ITGB8: variants seen among roughly 807,000 people sequenced by gnomAD.
ITGB8 encodes integrin subunit beta 8, also known as integrin beta-8.
ITGB8 carries 30 observed loss-of-function variants against 89.5 expected under a neutral mutation model. That is an observed-to-expected ratio of 0.34 (90% CI 0.25 to 0.45). The LOEUF is 0.45. Ranked by LOEUF, ITGB8 falls within the 20% of genes least tolerant of loss-of-function variation. The pLI, the probability that ITGB8 is intolerant of heterozygous loss-of-function variation, is 1.00. For synonymous variants in ITGB8, 335 were observed against 320.4 expected, an observed-to-expected ratio of 1.05 and a Z score of -0.49; for missense variants, 836 against 933.3, an observed-to-expected ratio of 0.90 and a Z score of 1.36.
intron 7 of ITGB8, among the ~76,000 whole-genome samples, chr7:20,393,466 C>G (rs996486800): frequency 1.2e-4 from 18 of 152,188 alleles, no homozygotes; most frequent in African/African-American, 4.1e-4. Flanking sequence ...ATAATCCATC[C>G]TCCATCTGGC....
chr7:20,401,979 C>T lies in ITGB8; in HGVS notation c.1540C>T (p.His514Tyr), dbSNP rs1468172065. ...DQFSSESCKS[H>Y]KDQPVCSGRG... ...GTTTTCTTCTGAGAGTTGCAAGTCA[C>T]ACAAGGATCAGCCTGTTTGCAGTGG... Residue 514 changes from histidine (H) to tyrosine (Y), a missense_variant, in exon 10 of 14, where the codon CAC (histidine) becomes TAC (tyrosine). This residue lies in a region of ITGB8 where 422 missense variants were observed against 416.9 expected (regional missense o/e 1.01). Coordinates refer to ENST00000222573, the MANE Select transcript of ITGB8 (RefSeq NM_002214.3). 4 of 1,614,054 alleles carry T rather than the reference C, an allele frequency of 2.5e-6. No homozygotes were observed. Among genetic ancestry groups the T allele is most frequent in the Non-Finnish European group, 3.4e-6 (4 of 1,180,014 alleles).
intron 6 of ITGB8, among the ~76,000 whole-genome samples, chr7:20,382,720 A>T (rs1786449830): frequency 6.6e-6 from 1 of 152,178 alleles, no homozygotes; most frequent in South Asian, 2.1e-4. Context: ...TCAACTATTT[A>T]TGTCTTAACA....
At chr7:20,388,861 C>G (rs1786740075) in intron 6 of ITGB8, among the ~76,000 whole-genome samples, 1 of 152,134 alleles carries the variant, frequency 6.6e-6, no homozygotes, top group Non-Finnish European at 1.5e-5. Flanking sequence ...TGTTCATCTC[C>G]CACTTATGAG....
intron 1 of ITGB8, among the ~76,000 whole-genome samples, chr7:20,334,209 T>C (rs1784503266): frequency 6.6e-6 from 1 of 152,186 alleles, no homozygotes; most frequent in Admixed American, 6.5e-5. Flanking sequence ...TAGCAGTTTG[T>C]TTTTTAACTG....
rs547793132 is a variant in ITGB8 at position 20,373,005 on chromosome 7, T to A, written c.388+5819T>A. Among the ~76,000 whole-genome samples the A allele has an allele frequency of 3.9e-5, 6 of 152,258 alleles. No homozygotes were observed. The South Asian group carries it at 1.2e-3, about 31-fold the overall frequency. Reference sequence around the variant, plus strand: ...AAAGTCCTTTTCACCATGAGATGAATCAGAATCAAGGGCTTGATATAATGC... The same window carrying A: ...AAAGTCCTTTTCACCATGAGATGAAACAGAATCAAGGGCTTGATATAATGC... On this transcript the variant is annotated intron_variant, in intron 3 of 13. Transcript: ENST00000222573.
intron 13 of ITGB8, 33 bp from the exon 14 acceptor site, chr7:20,409,842 C>G: frequency 6.2e-7 from 1 of 1,610,438 alleles, no homozygotes; most frequent in Non-Finnish European, 8.5e-7. Context: ...TATTTAGGCC[C>G]TTAGTTAATA....
chr7:20,364,535 G>C (rs903102095), intron 2 of ITGB8: 1 of 152,176 alleles, frequency 6.6e-6, no homozygotes, highest in Non-Finnish European at 1.5e-5. Context: ...CAGAATAGAG[G>C]CAGGGGAGGG....
In ITGB8 at chr7:20,414,906, G is replaced by C. The variant is rs1787879777; in HGVS notation, c.*4909G>C. Reference sequence around the variant, plus strand: ...TAGCCTCTGCAACCTACTTCAGTTAGAATTGTCTAATACTGCTCTATTAAT... The same window carrying C: ...TAGCCTCTGCAACCTACTTCAGTTACAATTGTCTAATACTGCTCTATTAAT... On this transcript the variant is annotated 3_prime_UTR_variant, in exon 14 of 14. Coordinates refer to ENST00000222573, the MANE Select transcript of ITGB8 (RefSeq NM_002214.3). 6.6e-6 allele frequency: 1 copy of C among 152,334 alleles called. No homozygotes were observed. Among genetic ancestry groups the C allele is most frequent in the South Asian group, 2.1e-4 (1 of 4,830 alleles). The allele number at this position is 152,334 out of a possible 1,614,324, so 9.4% of individuals were successfully genotyped here.
chr7:20,347,784 C>A (rs1784978580), intron 1 of ITGB8, among the ~76,000 whole-genome samples: 1 of 151,982 alleles, frequency 6.6e-6, no homozygotes. Flanking sequence ...TGGTCATGTT[C>A]AAGGAAGTGA....
intron 1 of ITGB8, among the ~76,000 whole-genome samples, chr7:20,340,118 A>C (rs1326363993): frequency 6.6e-6 from 1 of 152,194 alleles, no homozygotes; most frequent in Non-Finnish European, 1.5e-5. Context: ...CAATGAGCCA[A>C]CCATCACTGC....
At chr7:20,346,797 G>A (rs1383373747) in intron 1 of ITGB8, 2 of 985,270 alleles carry the variant, frequency 2.0e-6, no homozygotes, top group East Asian at 2.3e-4. Flanking sequence ...CAGAGAGGAG[G>A]CATGTACATT....
At chr7:20,336,413 A>G (rs1301775174) in intron 1 of ITGB8, among the ~76,000 whole-genome samples, 3 of 152,180 alleles carry the variant, frequency 2.0e-5, no homozygotes, top group Non-Finnish European at 4.4e-5. Context: ...TCTCCACTAC[A>G]CGCCTAAAGG....
chr7:20,383,309 A>C (rs1413260460), intron 6 of ITGB8, among the ~76,000 whole-genome samples: 1 of 152,246 alleles, frequency 6.6e-6, no homozygotes, highest in African/African-American at 2.4e-5. Context: ...GAATTCAAAA[A>C]TTCAAGAATT....
chr7:20,404,612 G>C lies in ITGB8; in HGVS notation c.1688-16G>C. 1 of 1,606,326 alleles carries C rather than the reference G, an allele frequency of 6.2e-7. No individual in the cohort carries two copies. The highest frequency in any genetic ancestry group is 8.5e-7 in the Non-Finnish European group (1 of 1,174,636). On this transcript the variant is annotated splice_polypyrimidine_tract_variant and intron_variant, in intron 10 of 13. Transcript: ENST00000222573. ...GTGATCCAGATAACATAGGTCCTGC[G>C]GTGTCTTCCTCACAGGGCATGGAGA...
At chr7:20,353,016 A>C (rs1785162721) in intron 1 of ITGB8, 1 of 152,240 alleles carries the variant, frequency 6.6e-6, no homozygotes, top group Non-Finnish European at 1.5e-5. Context: ...CCATTTCAAC[A>C]CCATGGGTGT....
In ITGB8 at chr7:20,331,853, T is replaced by G. The variant is rs1358724377; in HGVS notation, c.47T>G (p.Leu16Arg). ...TTTTTTACCGCTGCATTTGTCTGCC[T>G]GCAAAACGACCGGCGAGGTCCCGCC... ...LAFFTAAFVC[L>R]QNDRRGPASF... The change falls in exon 1 of 14, where the codon CTG becomes CGG. Residue 16 changes from leucine (L) to arginine (R), a missense_variant. Leu to Arg is a moderately radical substitution (Grantham distance 102, BLOSUM62 -2). This residue lies in a region of ITGB8 where 182 missense variants were observed against 177.0 expected (regional missense o/e 1.03). Transcript: ENST00000222573. 6.2e-7 allele frequency: 1 copy of G among 1,613,950 alleles called. No homozygotes were observed. Among genetic ancestry groups the G allele is most frequent in the Admixed American group, 1.7e-5 (1 of 60,038 alleles).
chr7:20,406,839 C>T (rs535234317), intron 12 of ITGB8, among the ~76,000 whole-genome samples: 1 of 152,320 alleles, frequency 6.6e-6, no homozygotes, highest in African/African-American at 2.4e-5. Flanking sequence ...AAGTTCCATA[C>T]ACTTTTCATT....
At chr7:20,388,478 C>T (rs561978917) in intron 6 of ITGB8, among the ~76,000 whole-genome samples, 1 of 152,282 alleles carries the variant, frequency 6.6e-6, no homozygotes, top group East Asian at 1.9e-4. Context: ...CATTAATCCA[C>T]AGGTCTTCTG....
At chr7:20,373,176 G>A (rs569809954) in intron 3 of ITGB8, among the ~76,000 whole-genome samples, 1 of 152,102 alleles carries the variant, frequency 6.6e-6, no homozygotes, top group African/African-American at 2.4e-5. Flanking sequence ...ACTGACTAGG[G>A]TTTCTTAAAA....
Sources: gnomAD v4.1 joint callset for allele counts (sites outside exome capture counted in the v4.1 genomes callset) on GRCh38, gnomAD v4.1.1 for gene constraint, gnomAD v4.1.1 regional missense constraint, MANE v1.5 for transcripts, NCBI Gene and HGNC (gene_info 2026-07-23, HGNC 2026-07-21) for gene names.